Variants in SLC39A11 observed in about 807,000 individuals in gnomAD.
The protein encoded by SLC39A11 is zinc transporter ZIP11.
SLC39A11 carries 33 observed loss-of-function variants against 36.1 expected under a neutral mutation model. The ratio of observed to expected loss-of-function variants is 0.91; its 90% CI spans 0.69 to 1.22. The LOEUF is 1.22. SLC39A11 is among the 50% of genes most tolerant of loss of function. The pLI, the probability that SLC39A11 is intolerant of heterozygous loss-of-function variation, is 0.00. For synonymous variants in SLC39A11, 166 were observed against 170.3 expected, an observed-to-expected ratio of 0.97 and a Z score of 0.20; for missense variants, 432 against 430.3, an observed-to-expected ratio of 1.00 and a Z score of -0.03.
chr17:72,937,592 T>C (rs1314403367), intron 5 of SLC39A11, among the ~76,000 whole-genome samples: 1 of 152,216 alleles, frequency 6.6e-6, no homozygotes, highest in Non-Finnish European at 1.5e-5. Flanking sequence ...GCCAGCACAG[T>C]GGTGGGACCC....
At chr17:72,912,063 C>T (rs542294897) in intron 5 of SLC39A11, among the ~76,000 whole-genome samples, 2 of 152,242 alleles carry the variant, frequency 1.3e-5, no homozygotes, top group Non-Finnish European at 2.9e-5. Flanking sequence ...ATTGGTGCTG[C>T]AGGCATGAAA....
At position 73,088,668 on chromosome 17, in the gene SLC39A11, A is replaced by C. The variant is rs1243473572; in HGVS notation, c.97T>G (p.Ser33Ala). Reference sequence around the variant, plus strand: ...GCAAGGCAACTCACCTGTCCACTAGAGAATACGAACACGAGAGCTGCCCCA... The same window carrying C: ...GCAAGGCAACTCACCTGTCCACTAGCGAATACGAACACGAGAGCTGCCCCA... ...AAGAALVFVF[S>A]SGQRRILDGS... The change falls in exon 2 of 10, where the codon TCT (serine) becomes GCT (alanine). Residue 33 changes from serine (S) to alanine (A), a missense_variant. Ser to Ala is a moderately conservative substitution (Grantham distance 99). Coordinates refer to ENST00000255559, the MANE Select transcript of SLC39A11 (RefSeq NM_139177.4). The C allele has an allele frequency of 3.1e-6, 5 of 1,611,972 alleles. No homozygotes were observed. Among genetic ancestry groups the C allele is most frequent in the Admixed American group, 3.3e-5 (2 of 59,794 alleles).
chr17:72,768,909 C>T (rs1213262788), intron 6 of SLC39A11, among the ~76,000 whole-genome samples: 3 of 151,890 alleles, frequency 2.0e-5, no homozygotes, highest in African/African-American at 4.8e-5. Flanking sequence ...TATAGGCGCC[C>T]GCCACCACGC....
intron 7 of SLC39A11, among the ~76,000 whole-genome samples, chr17:72,736,446 T>C (rs1301643093): frequency 2.0e-5 from 3 of 152,168 alleles, no homozygotes; most frequent in Non-Finnish European, 4.4e-5. Context: ...ACCCACTTAA[T>C]AGCTCAGTTG....
chr17:73,020,769 G>A (rs1329811418), intron 4 of SLC39A11, among the ~76,000 whole-genome samples: 4 of 129,720 alleles, frequency 3.1e-5, no homozygotes, highest in South Asian at 2.6e-4. Context: ...TGCAACCTCC[G>A]CCTCCTGGGT....
At chr17:73,003,153 G>T (rs1323307106) in intron 4 of SLC39A11, among the ~76,000 whole-genome samples, 1 of 152,198 alleles carries the variant, frequency 6.6e-6, no homozygotes, top group Non-Finnish European at 1.5e-5. Flanking sequence ...GGCTTCCCAA[G>T]CCCAGACACC....
intron 5 of SLC39A11, among the ~76,000 whole-genome samples, chr17:72,868,925 C>T (rs1284767590): frequency 6.6e-6 from 1 of 152,234 alleles, no homozygotes; most frequent in Non-Finnish European, 1.5e-5. Flanking sequence ...ATTTGCCTCT[C>T]TCCCTGCCTA....
intron 6 of SLC39A11, among the ~76,000 whole-genome samples, chr17:72,738,559 T>C (rs541495869): frequency 6.6e-6 from 1 of 151,864 alleles, no homozygotes; most frequent in South Asian, 2.1e-4. Context: ...GCAGCGAGGG[T>C]CATGGAAGGA....
chr17:72,807,336 CTT>C (rs911472117), intron 6 of SLC39A11, among the ~76,000 whole-genome samples: 3 of 152,152 alleles, frequency 2.0e-5, no homozygotes, highest in African/African-American at 7.2e-5. Flanking sequence ...CATATTTTGT[CTT>C]TGTGTCTGGT....
chr17:73,070,871 C>T (rs1339423939), intron 3 of SLC39A11, among the ~76,000 whole-genome samples: 9 of 152,110 alleles, frequency 5.9e-5, no homozygotes, highest in South Asian at 4.1e-4. Flanking sequence ...CCTCCAGGCA[C>T]GTGGAATTGT....
At chr17:72,771,781 G>A (rs942692993) in intron 6 of SLC39A11, among the ~76,000 whole-genome samples, 2 of 152,164 alleles carry the variant, frequency 1.3e-5, no homozygotes, top group Non-Finnish European at 2.9e-5. Context: ...CATGTCAAAC[G>A]ATCAAGGAAA....
intron 7 of SLC39A11, among the ~76,000 whole-genome samples, chr17:72,726,605 T>C (rs1161676745): frequency 6.6e-6 from 1 of 152,190 alleles, no homozygotes; most frequent in Admixed American, 6.5e-5. Flanking sequence ...ATCTTACACA[T>C]ACAGACATGC....
At position 72,725,912 on chromosome 17, in the gene SLC39A11, A is replaced by G. The variant is rs373882290; in HGVS notation, c.671+10738T>C. Reference sequence around the variant, plus strand: ...GAACAGGATTGTGCCGAAGTGACTCAAGGGTGGGAGGGGCATTTTTCTGCT... The same window carrying G: ...GAACAGGATTGTGCCGAAGTGACTCGAGGGTGGGAGGGGCATTTTTCTGCT... On this transcript the variant is annotated intron_variant, in intron 7 of 9. Coordinates refer to ENST00000255559, the MANE Select transcript of SLC39A11 (RefSeq NM_139177.4). Among the ~76,000 whole-genome samples the G allele has an allele frequency of 2.1e-4, 32 of 152,334 alleles. No homozygotes were observed. In the East Asian group the frequency reaches 4.2e-3, roughly 20 times the overall value.
chr17:72,863,163 G>A (rs1043081554), intron 5 of SLC39A11, among the ~76,000 whole-genome samples: 2 of 152,188 alleles, frequency 1.3e-5, no homozygotes, highest in Admixed American at 6.5e-5. Flanking sequence ...GCTCCCAAGA[G>A]CCCGGACCTC....
intron 5 of SLC39A11, among the ~76,000 whole-genome samples, chr17:72,918,129 C>T (rs772548531): frequency 3.3e-5 from 5 of 152,234 alleles, no homozygotes; most frequent in Non-Finnish European, 5.9e-5. Flanking sequence ...ACTGAGCTGG[C>T]TAGGCGTGGT....
chr17:72,747,019 C>G (rs1400875977), intron 6 of SLC39A11, among the ~76,000 whole-genome samples: 1 of 152,110 alleles, frequency 6.6e-6, no homozygotes, highest in African/African-American at 2.4e-5. Flanking sequence ...TGCACTTCAG[C>G]CTGGGTGACA....
At chr17:72,772,511 G>A (rs1032160464) in intron 6 of SLC39A11, among the ~76,000 whole-genome samples, 8 of 152,182 alleles carry the variant, frequency 5.3e-5, no homozygotes, top group African/African-American at 1.9e-4. Context: ...AGGCCCATGA[G>A]CAGAATAACT....
intron 6 of SLC39A11, among the ~76,000 whole-genome samples, chr17:72,780,630 T>C (rs1226819880): frequency 1.3e-5 from 2 of 152,002 alleles, no homozygotes; most frequent in African/African-American, 2.4e-5. Flanking sequence ...AGACCATAAC[T>C]GCTCTTTCGC....
At chr17:73,087,845 G>A (rs996964772) in intron 2 of SLC39A11, among the ~76,000 whole-genome samples, 2 of 152,002 alleles carry the variant, frequency 1.3e-5, no homozygotes, top group African/African-American at 4.8e-5. Context: ...AAGGGGAAAG[G>A]AAACAACCTG....
Sources: allele counts gnomAD v4.1 joint callset (sites outside exome capture counted in the v4.1 genomes callset), GRCh38; gene constraint gnomAD v4.1.1; transcripts MANE v1.5; gene names NCBI Gene and HGNC (gene_info 2026-07-23, HGNC 2026-07-21).